KIF1B: variants seen among roughly 807,000 people sequenced by gnomAD.
KIF1B encodes kinesin family member 1B.
Under a neutral mutation model 241.9 loss-of-function variants are expected in KIF1B, and 76 were observed. That is an observed-to-expected ratio of 0.31 (90% confidence interval 0.26 to 0.38). The LOEUF is 0.38. Among genes scored for constraint, KIF1B ranks in the 10% least tolerant of loss-of-function variants. The pLI is 1.00. For missense variants in KIF1B, 1,622 were observed against 2,271.4 expected (o/e 0.71, Z 5.81); for synonymous variants, 750 against 796.7 (o/e 0.94, Z 0.99).
intron 22 of KIF1B, among the ~76,000 whole-genome samples, chr1:10,298,506 A>G (rs1166064989): frequency 6.6e-6 from 1 of 152,244 alleles, no homozygotes; most frequent in Non-Finnish European, 1.5e-5. Context: ...AGATAATAGC[A>G]GTGTTACCAA....
intron 2 of KIF1B, among the ~76,000 whole-genome samples, chr1:10,236,617 A>G (rs1016998456): frequency 2.0e-5 from 3 of 152,210 alleles, no homozygotes; most frequent in African/African-American, 4.8e-5. Context: ...TTGGAAGGCA[A>G]TTAATCATAT....
intron 13 of KIF1B, 128 bp from the exon 14 acceptor site, chr1:10,278,969 T>C: frequency 1.8e-6 from 1 of 551,868 alleles, no homozygotes; most frequent in Non-Finnish European, 3.4e-6. Context: ...TTTGTAAAAA[T>C]GATACCGTAT....
At chr1:10,364,636 C>T (rs896343812) in intron 41 of KIF1B, among the ~76,000 whole-genome samples, 18 of 152,126 alleles carry the variant, frequency 1.2e-4, no homozygotes, top group African/African-American at 4.1e-4. Context: ...TTTTTAAAAA[C>T]GTTCAGTTGC....
chr1:10,247,393 T>A (rs1647238647), intron 2 of KIF1B, among the ~76,000 whole-genome samples: 1 of 152,222 alleles, frequency 6.6e-6, no homozygotes, highest in Admixed American at 6.5e-5. Flanking sequence ...CCACTTTCAC[T>A]GTGATCTTTT....
chr1:10,300,586 G>A (rs959190083), intron 22 of KIF1B, among the ~76,000 whole-genome samples: 3 of 151,942 alleles, frequency 2.0e-5, no homozygotes, highest in African/African-American at 7.3e-5. Context: ...CCTGAATTAG[G>A]TAATATTCAT....
At chr1:10,254,367 C>T (rs1392011202) in intron 2 of KIF1B, among the ~76,000 whole-genome samples, 1 of 152,128 alleles carries the variant, frequency 6.6e-6, no homozygotes, top group Admixed American at 6.6e-5. Context: ...TGAGCATCTA[C>T]TTTATACCAG....
At chr1:10,366,029 G>A (rs1369300831) in intron 43 of KIF1B, among the ~76,000 whole-genome samples, 2 of 152,106 alleles carry the variant, frequency 1.3e-5, no homozygotes, top group Admixed American at 6.5e-5. Flanking sequence ...TCTGGAGTTC[G>A]AGACCAGCCT....
intron 38 of KIF1B, among the ~76,000 whole-genome samples, chr1:10,360,634 G>A (rs143442047): frequency 2.0e-5 from 3 of 149,778 alleles, no homozygotes; most frequent in African/African-American, 7.4e-5. Context: ...GCAGTGATCC[G>A]AGATTGTGCC....
chr1:10,239,256 C>G (rs576210747), intron 2 of KIF1B, among the ~76,000 whole-genome samples: 1 of 152,148 alleles, frequency 6.6e-6, no homozygotes, highest in Non-Finnish European at 1.5e-5. Context: ...AATGTCACCA[C>G]GCAGAGAGAA....
In KIF1B at chr1:10,374,592, A is replaced by ATCTGTACT; in HGVS notation, c.5096+127_5096+128insTCTGTACT. ...GCAATCTGTACTGTAGTCTGATGCAAGTTGAGTCTGGGGTGAGAGGGCCAG... is the reference window on the plus strand; with the variant it reads ...GCAATCTGTACTGTAGTCTGATGCAATCTGTACTGTTGAGTCTGGGGTGAGAGGGCCAG... On this transcript the variant is annotated intron_variant, in intron 46 of 48. Transcript: ENST00000676179. The surrounding 1 kb of genome is among the most constrained non-coding windows in gnomAD (Gnocchi z 4.3). 2 of 1,212,386 alleles carry ATCTGTACT rather than the reference A, an allele frequency of 1.6e-6. No individual in the cohort carries two copies. The highest frequency in any genetic ancestry group is 1.2e-6 in the Non-Finnish European group (1 of 831,368). 75.1% of individuals were successfully genotyped at this position (1,212,386 alleles called of 1,614,324 possible).
At chr1:10,375,842 G>T (rs1217910084) in intron 48 of KIF1B, among the ~76,000 whole-genome samples, 1 of 134,380 alleles carries the variant, frequency 7.4e-6, no homozygotes, top group Non-Finnish European at 1.5e-5. Flanking sequence ...TGTGGCCCAG[G>T]CTGGAGTGCA....
intron 22 of KIF1B, among the ~76,000 whole-genome samples, chr1:10,301,645 G>C (rs936159369): frequency 1.3e-4 from 20 of 151,974 alleles, no homozygotes; most frequent in Non-Finnish European, 2.5e-4. Flanking sequence ...GGGCGACAGA[G>C]CAAGATTCTG....
At chr1:10,219,506 C>T (rs1490500874) in intron 1 of KIF1B, among the ~76,000 whole-genome samples, 1 of 151,928 alleles carries the variant, frequency 6.6e-6, no homozygotes, top group Non-Finnish European at 1.5e-5. Context: ...CCTGTAATCC[C>T]AGCACTTCGG....
Position 10,365,279 on chromosome 1 carries a change from C to T in KIF1B, c.4512+34C>T, listed in dbSNP as rs1404515972. Reference sequence around the variant, plus strand: ...GGGCAGGGTTGTTCAGATGCAAGAACTCTCGGACAAGATTGCCAAAGTATC... The same window carrying T: ...GGGCAGGGTTGTTCAGATGCAAGAATTCTCGGACAAGATTGCCAAAGTATC... On this transcript the variant is annotated intron_variant, in intron 42 of 48. Coordinates refer to ENST00000676179, the MANE Select transcript of KIF1B (RefSeq NM_001365951.3). This position sits in a 1 kb window ranked among gnomAD's most constrained non-coding sequence, Gnocchi z 4.0. 1 of 1,613,618 alleles carries T rather than the reference C, an allele frequency of 6.2e-7. No individual in the cohort carries two copies. Among genetic ancestry groups the T allele is most frequent in the East Asian group, 2.2e-5 (1 of 44,860 alleles).
intron 35 of KIF1B, 47 bp from the exon 36 acceptor site, chr1:10,347,714 C>T: frequency 6.7e-7 from 1 of 1,485,454 alleles, no homozygotes; most frequent in Non-Finnish European, 9.4e-7. Context: ...CTAAGCCTTG[C>T]AGATGAAGTA....
chr1:10,296,523 C>T (rs1025612909), intron 19 of KIF1B, 59 bp from the exon 20 acceptor site: 4 of 1,382,930 alleles, frequency 2.9e-6, no homozygotes, highest in Non-Finnish European at 4.1e-6. Context: ...CAACTGCTTT[C>T]CATTATTTGA....
intron 41 of KIF1B, among the ~76,000 whole-genome samples, 194 bp from the exon 42 acceptor site, chr1:10,364,906 T>G (rs978549637): frequency 2.0e-5 from 3 of 149,130 alleles, no homozygotes; most frequent in African/African-American, 7.5e-5. Flanking sequence ...CTCGGGAGGC[T>G]GAGGCAGGAG....
At chr1:10,242,988 G>T (rs1041794131) in intron 2 of KIF1B, among the ~76,000 whole-genome samples, 6 of 152,166 alleles carry the variant, frequency 3.9e-5, no homozygotes, top group Non-Finnish European at 8.8e-5. Context: ...TGTGGGGCCG[G>T]AAGTATCAGA....
intron 22 of KIF1B, among the ~76,000 whole-genome samples, chr1:10,300,162 A>C (rs767238327): frequency 6.6e-6 from 1 of 151,492 alleles, no homozygotes; most frequent in African/African-American, 2.4e-5. Context: ...GCTTAAACCT[A>C]GCAGGCGGAG....
Sources: gnomAD v4.1 joint callset for allele counts (sites outside exome capture counted in the v4.1 genomes callset) on GRCh38, gnomAD v4.1.1 for gene constraint, Gnocchi (gnomAD v3.1) non-coding constraint, MANE v1.5 for transcripts, NCBI Gene and HGNC (gene_info 2026-07-23, HGNC 2026-07-21) for gene names.